Variants in CATSPERE observed in about 807,000 individuals in gnomAD.
CATSPERE encodes catsper channel auxiliary subunit epsilon, also known as cation channel sperm-associated auxiliary subunit epsilon.
CATSPERE carries 93 observed loss-of-function variants against 114.1 expected under a neutral mutation model. That is an observed-to-expected ratio of 0.81 (90% CI 0.69 to 0.97). The LOEUF is 0.97. Ranked by LOEUF, CATSPERE falls within the 50% of genes least tolerant of loss-of-function variation. The pLI is 0.00. For missense variants in CATSPERE, 1,058 were observed against 1,131.6 expected (o/e 0.93, Z 0.93); for synonymous variants, 341 against 384.1 (o/e 0.89, Z 1.31).
intron 17 of CATSPERE, among the ~76,000 whole-genome samples, chr1:244,597,141 A>G (rs781198633): frequency 6.6e-6 from 1 of 152,164 alleles, no homozygotes; most frequent in Non-Finnish European, 1.5e-5. Context: ...ACAAATATAC[A>G]GGTCTTTCTC....
chr1:244,571,474 G>T (rs1664450310), intron 10 of CATSPERE, among the ~76,000 whole-genome samples: 1 of 152,150 alleles, frequency 6.6e-6, no homozygotes, highest in Non-Finnish European at 1.5e-5. Context: ...AACTAAAGAG[G>T]TTAAGATAGT....
rs1460899390 is a variant in CATSPERE, at chr1:244,572,406, A to T, written c.1584A>T (p.Val528=). Residue 528 remains valine, a synonymous_variant, in exon 11 of 22, where the codon GTA becomes GTT. Coordinates refer to ENST00000366534, the MANE Select transcript of CATSPERE (RefSeq NM_001130957.2). ...CCAAGATTAATACTAGAGATGCAGT[A>T]AAGCTGCATTTATGGACAAATTACA... ...FYSKINTRDA[V]KLHLWTNYTT... 1 of 1,565,654 alleles carries T rather than the reference A, an allele frequency of 6.4e-7. No individual in the cohort carries two copies. The highest frequency in any genetic ancestry group is 8.8e-7 in the Non-Finnish European group (1 of 1,136,158).
intron 4 of CATSPERE, among the ~76,000 whole-genome samples, chr1:244,479,417 A>G (rs1252029606): frequency 6.6e-6 from 1 of 152,190 alleles, no homozygotes; most frequent in Non-Finnish European, 1.5e-5. Flanking sequence ...AAAAGCACTC[A>G]GTTGTAACAA....
chr1:244,469,106 C>T (rs886625858), intron 2 of CATSPERE, among the ~76,000 whole-genome samples: 2 of 152,192 alleles, frequency 1.3e-5, no homozygotes, highest in Non-Finnish European at 2.9e-5. Context: ...GAACTTTCTG[C>T]AGGGACTTGA....
At chr1:244,457,462 G>A (rs1039838579), upstream of CATSPERE, 1 of 152,120 alleles carries the variant, frequency 6.6e-6, no homozygotes, top group African/African-American at 2.4e-5. Flanking sequence ...ATAATGAAAG[G>A]GTTTTGTTTT....
intron 8 of CATSPERE, among the ~76,000 whole-genome samples, chr1:244,524,563 G>C (rs573578197): frequency 1.3e-5 from 2 of 152,092 alleles, no homozygotes; most frequent in East Asian, 3.9e-4. Context: ...CCTACAAAAT[G>C]TGAGAAAATT....
chr1:244,451,752 C>T, upstream of CATSPERE: 1 of 1,602,138 alleles, frequency 6.2e-7, no homozygotes, highest in East Asian at 2.3e-5. This position sits in a 1 kb window ranked among gnomAD's most constrained non-coding sequence, Gnocchi z 6.6. Context: ...CGGGCCGCGC[C>T]CTGGGGCGGC....
chr1:244,488,503 T>C (rs1671433477), intron 5 of CATSPERE, among the ~76,000 whole-genome samples: 1 of 152,206 alleles, frequency 6.6e-6, no homozygotes, highest in African/African-American at 2.4e-5. Flanking sequence ...CCAAGAAAAC[T>C]GATAAAGACC....
At chr1:244,492,236 C>T (rs1187145859) in intron 6 of CATSPERE, among the ~76,000 whole-genome samples, 3 of 152,004 alleles carry the variant, frequency 2.0e-5, no homozygotes, top group Non-Finnish European at 4.4e-5. Flanking sequence ...CATCAAAAAG[C>T]TTATCCACCA....
intron 5 of CATSPERE, among the ~76,000 whole-genome samples, chr1:244,484,010 AT>A (rs1303351823): frequency 6.6e-6 from 1 of 151,986 alleles, no homozygotes; most frequent in Non-Finnish European, 1.5e-5. Context: ...AATTCACTTT[AT>A]TTTTTCTACA....
chr1:244,626,485 CAAAAAAAAAA>C (rs35687880), intron 20 of CATSPERE, among the ~76,000 whole-genome samples: 4 of 66,880 alleles, frequency 6.0e-5, no homozygotes, highest in Admixed American at 3.6e-4. Context: ...AATTCCATCT[CAAAAAAAAAA>C]AAAAAAAAAA....
At chr1:244,531,000 C>T (rs1277128144) in intron 8 of CATSPERE, among the ~76,000 whole-genome samples, 1 of 151,900 alleles carries the variant, frequency 6.6e-6, no homozygotes, top group East Asian at 1.9e-4. Context: ...GAGGCCGAGG[C>T]AGGCAGATCA....
chr1:244,458,396 T>C (rs1666350814), upstream of CATSPERE, among the ~76,000 whole-genome samples: 1 of 152,212 alleles, frequency 6.6e-6, no homozygotes, highest in African/African-American at 2.4e-5. Context: ...GCTTTAATAG[T>C]GGGTGTAGGC....
intron 8 of CATSPERE, among the ~76,000 whole-genome samples, chr1:244,541,656 G>A (rs961761304): frequency 2.8e-5 from 4 of 142,750 alleles, no homozygotes; most frequent in Non-Finnish European, 6.1e-5. Flanking sequence ...CCCATTACTG[G>A]GTATATACCC....
intron 21 of CATSPERE, among the ~76,000 whole-genome samples, chr1:244,638,051 A>G (rs931701555): frequency 1.3e-5 from 2 of 152,120 alleles, no homozygotes; most frequent in Non-Finnish European, 1.5e-5. Context: ...TTTCAAATGA[A>G]TTATTCCTTC....
intron 8 of CATSPERE, among the ~76,000 whole-genome samples, chr1:244,525,431 T>G (rs1176076805): frequency 6.6e-6 from 1 of 151,932 alleles, no homozygotes; most frequent in Non-Finnish European, 1.5e-5. Context: ...ATGGCACATG[T>G]ATACATATGT....
intron 9 of CATSPERE, among the ~76,000 whole-genome samples, chr1:244,557,435 C>A (rs533203865): frequency 6.9e-6 from 1 of 145,658 alleles, no homozygotes; most frequent in Admixed American, 6.9e-5. Context: ...TTCCAGTGTA[C>A]AGATTTTTTA....
intron 3 of CATSPERE, 141 bp downstream of exon 3, chr1:244,477,755 C>T (rs1669595075): frequency 1.3e-5 from 12 of 914,140 alleles, no homozygotes; most frequent in Middle Eastern, 2.6e-4. Context: ...AAAATCAGGT[C>T]GAATATAGTA....
chr1:244,501,357 G>C (rs1488428172), intron 7 of CATSPERE, among the ~76,000 whole-genome samples: 1 of 151,710 alleles, frequency 6.6e-6, no homozygotes, highest in Non-Finnish European at 1.5e-5. Flanking sequence ...TTCTTTTTTT[G>C]TTACAAATTT....
Sources: gnomAD v4.1 joint callset for allele counts (sites outside exome capture counted in the v4.1 genomes callset) on GRCh38, gnomAD v4.1.1 for gene constraint, Gnocchi (gnomAD v3.1) non-coding constraint, MANE v1.5 for transcripts, NCBI Gene and HGNC (gene_info 2026-07-23, HGNC 2026-07-21) for gene names.